Variants in ARVCF observed in about 807,000 individuals in gnomAD.
ARVCF encodes the protein splicing regulator ARVCF.
A neutral mutation model predicts 90.9 loss-of-function variants in ARVCF; 66 were observed. That is an observed-to-expected ratio of 0.73 (90% CI 0.60 to 0.89). The LOEUF is 0.89. ARVCF is among the 40% of genes least tolerant of loss of function. The pLI is 0.00. For synonymous variants in ARVCF, 653 were observed against 603.4 expected, an observed-to-expected ratio of 1.08 and a Z score of -1.21; for missense variants, 1,469 against 1,382.3, an observed-to-expected ratio of 1.06 and a Z score of -1.00.
chr22:19,984,323 G>T (rs1367967800), intron 3 of ARVCF, among the ~76,000 whole-genome samples: 1 of 152,128 alleles, frequency 6.6e-6, no homozygotes, highest in Non-Finnish European at 1.5e-5. Flanking sequence ...TGTGGTGAGG[G>T]TCTGACAGGC....
chr22:19,967,330 G>A (rs1942460372), downstream of ARVCF: 1 of 697,568 alleles, frequency 1.4e-6, no homozygotes. Flanking sequence ...TCAAGGCCTA[G>A]GCCATTGTCC....
chr22:19,970,932 C>T (rs975103729), intron 19 of ARVCF, among the ~76,000 whole-genome samples, 189 bp from the exon 20 acceptor site: 15 of 152,152 alleles, frequency 9.9e-5, no homozygotes, highest in African/African-American at 2.4e-4. Context: ...TGCTGGTCCC[C>T]GAAGGGCGTT....
At chr22:20,011,514 T>C (rs982310378) in intron 1 of ARVCF, among the ~76,000 whole-genome samples, 1 of 148,982 alleles carries the variant, frequency 6.7e-6, no homozygotes, top group Non-Finnish European at 1.5e-5. Context: ...CTCTTCATCA[T>C]GGGAAGGGGT....
At position 20,009,122 on chromosome 22, in the gene ARVCF, C is replaced by A. The variant is rs1944737970; in HGVS notation, c.-19+1333G>T. Reference sequence around the variant, plus strand: ...CGAGGAGTTAAGGGCAGTGGGACAGCCCCTCCTGCCACCCTGAGATGCCCT... The same window carrying A: ...CGAGGAGTTAAGGGCAGTGGGACAGACCCTCCTGCCACCCTGAGATGCCCT... On this transcript the variant is annotated intron_variant, in intron 2 of 19. Transcript: ENST00000263207. Among the ~76,000 whole-genome samples the A allele has an allele frequency of 3.9e-5, 6 of 152,326 alleles. No homozygotes were observed. In the South Asian group the frequency reaches 1.2e-3, roughly 32 times the overall value.
intron 1 of ARVCF, among the ~76,000 whole-genome samples, chr22:20,012,287 G>A (rs1221660246): frequency 6.6e-6 from 1 of 152,236 alleles, no homozygotes; most frequent in Non-Finnish European, 1.5e-5. Flanking sequence ...CAGCACCACA[G>A]GAGGCTGAGT....
At position 19,978,896 on chromosome 22, in the gene ARVCF, C is replaced by A. The variant is rs760004597; in HGVS notation, c.1580+1G>T. ...GCTTTAGCACCAGGTCTGGTCCACA[C>A]CTCAGGCAGCCCGACGTGTTCTTGA... is the stretch of plus-strand genomic sequence containing the variant. On this transcript the variant is annotated splice_donor_variant, in intron 7 of 19. Transcript: ENST00000263207. LOFTEE classifies it high-confidence loss of function. 1 of 1,608,898 alleles carries A rather than the reference C, an allele frequency of 6.2e-7. No individual in the cohort carries two copies. Among genetic ancestry groups the A allele is most frequent in the Non-Finnish European group, 8.5e-7 (1 of 1,177,180 alleles).
intron 10 of ARVCF, among the ~76,000 whole-genome samples, chr22:19,976,290 G>A (rs1164513492): frequency 6.6e-6 from 1 of 152,112 alleles, no homozygotes; most frequent in East Asian, 1.9e-4. Flanking sequence ...GTGACAGTGA[G>A]CCCACTGTCA....
chr22:19,974,386 A>T (rs1001535372), intron 11 of ARVCF, 147 bp from the exon 12 acceptor site: 1 of 970,410 alleles, frequency 1.0e-6, no homozygotes, highest in Non-Finnish European at 1.4e-6. Flanking sequence ...ATTTACTATC[A>T]ACATATAGTC....
chr22:19,975,661 G>C, intron 11 of ARVCF, 25 bp downstream of exon 11: 1 of 1,612,902 alleles, frequency 6.2e-7, no homozygotes, highest in Non-Finnish European at 8.5e-7. Context: ...CCCCAGTGGA[G>C]CTGGCTTCAT....
rs564006969 is a variant in ARVCF, at chr22:19,980,154, C to G, written c.985G>C (p.Glu329Gln). ...TCCAGGCTGCCCATGCTGCCCCGTT[C>G]AGGCTGGGCCAGGGGCGCCGTCACC... ...PMVTAPLAQP[E>Q]RGSMGSLDRL... The change falls in exon 6 of 20, where the codon GAA becomes CAA. Residue 329 changes from glutamate (E) to glutamine (Q), a missense_variant. Coordinates refer to ENST00000263207, the MANE Select transcript of ARVCF (RefSeq NM_001670.3). The G allele has an allele frequency of 4.4e-6, 7 of 1,586,856 alleles. No individual in the cohort carries two copies. The highest frequency in any genetic ancestry group is 3.4e-5 in the Admixed American group (2 of 59,062).
chr22:20,011,144 C>T (rs914205791), intron 1 of ARVCF, among the ~76,000 whole-genome samples: 1 of 152,214 alleles, frequency 6.6e-6, no homozygotes, highest in African/African-American at 2.4e-5. Flanking sequence ...GGCTTATGGG[C>T]TGGAGCAGGA....
chr22:19,981,802 C>G, intron 4 of ARVCF, 65 bp from the exon 5 acceptor site: 2 of 1,549,092 alleles, frequency 1.3e-6, no homozygotes, highest in Non-Finnish European at 1.7e-6. Context: ...TTGCTGGGGT[C>G]TGGCTGGCCT....
intron 2 of ARVCF, among the ~76,000 whole-genome samples, chr22:19,992,033 A>G (rs1944047458): frequency 6.6e-6 from 1 of 152,228 alleles, no homozygotes; most frequent in Non-Finnish European, 1.5e-5. Context: ...GTCTGGATGG[A>G]GCCAGCTGCA....
intron 12 of ARVCF, 50 bp downstream of exon 12, chr22:19,974,062 G>A (rs1213198079): frequency 3.8e-6 from 6 of 1,566,198 alleles, no homozygotes; most frequent in Non-Finnish European, 5.2e-6. Context: ...TGAGGTGCCT[G>A]GGATTCCCTC....
chr22:19,977,795 G>A (rs887235199), intron 8 of ARVCF, among the ~76,000 whole-genome samples, 163 bp downstream of exon 8: 2 of 152,202 alleles, frequency 1.3e-5, no homozygotes, highest in Admixed American at 6.5e-5. Context: ...CCTGCAGGAC[G>A]GTGCCCACTT....
chr22:20,014,255 T>G (rs2146520738), intron 1 of ARVCF, among the ~76,000 whole-genome samples: 1 of 151,906 alleles, frequency 6.6e-6, no homozygotes, highest in East Asian at 1.9e-4. Context: ...AGTGCAGTGG[T>G]GTGATCTTGG....
chr22:19,972,723 G>A lies in ARVCF; in HGVS notation c.2641+14C>T, dbSNP rs1372867399. The A allele has an allele frequency of 3.8e-6, 6 of 1,599,804 alleles. No homozygotes were observed. The South Asian group carries it at 4.5e-5, about 12-fold the overall frequency. On this transcript the variant is annotated intron_variant, in intron 16 of 19. Transcript: ENST00000263207. ...GGTCGCCACCCTCTAGGCTCCCTAA[G>A]CTCCACCACTCACCAAGGCTCTTGT...
chr22:19,968,818 G>A (rs928195361), downstream of ARVCF: 72 of 1,359,646 alleles, frequency 5.3e-5, no homozygotes, highest in Admixed American at 3.4e-4. Flanking sequence ...GACCTTCTGC[G>A]GCTCCGGGCT....
chr22:19,982,463 C>T (rs940401503), intron 3 of ARVCF, among the ~76,000 whole-genome samples: 2 of 152,264 alleles, frequency 1.3e-5, no homozygotes, highest in Non-Finnish European at 1.5e-5. Context: ...CTCCTCCAGG[C>T]CCCAGGAGGT....
Sources: gnomAD v4.1 joint callset for allele counts (sites outside exome capture counted in the v4.1 genomes callset) on GRCh38, gnomAD v4.1.1 for gene constraint, MANE v1.5 for transcripts, NCBI Gene and HGNC (gene_info 2026-07-23, HGNC 2026-07-21) for gene names.